Variants in FRMD5 observed in about 807,000 individuals in gnomAD.
FRMD5 encodes the protein FERM domain containing 5.
A neutral mutation model predicts 69.0 loss-of-function variants in FRMD5; 20 were observed. That is an observed-to-expected ratio of 0.29 (90% confidence interval 0.20 to 0.42). FRMD5 has a LOEUF of 0.42. Ranked by LOEUF, FRMD5 falls within the 10% of genes least tolerant of loss-of-function variation. The pLI is 1.00. For synonymous variants in FRMD5, 271 were observed against 260.1 expected, an observed-to-expected ratio of 1.04 and a Z score of -0.40; for missense variants, 595 against 708.6, an observed-to-expected ratio of 0.84 and a Z score of 1.82.
intron 1 of FRMD5, among the ~76,000 whole-genome samples, chr15:44,116,328 T>C (rs547567977): frequency 6.6e-6 from 1 of 151,966 alleles, no homozygotes; most frequent in African/African-American, 2.4e-5. Flanking sequence ...GATACAATCA[T>C]AGCTCACTTT....
chr15:44,109,178 G>C (rs2076762762), intron 1 of FRMD5, among the ~76,000 whole-genome samples: 1 of 151,740 alleles, frequency 6.6e-6, no homozygotes, highest in Non-Finnish European at 1.5e-5. Flanking sequence ...TTCTAAAATT[G>C]GTCTCATCAC....
intron 5 of FRMD5, among the ~76,000 whole-genome samples, chr15:43,906,700 C>G: frequency 6.6e-6 from 1 of 150,754 alleles, no homozygotes; most frequent in Non-Finnish European, 1.5e-5. Flanking sequence ...CTCCTGGGTT[C>G]ACGCCATTCT....
At chr15:44,079,660 C>G (rs1487881952) in intron 1 of FRMD5, among the ~76,000 whole-genome samples, 2 of 152,056 alleles carry the variant, frequency 1.3e-5, no homozygotes, top group Non-Finnish European at 2.9e-5. Flanking sequence ...ATTTGTACAC[C>G]CATGTTCATA....
chr15:44,016,316 C>G (rs1302168561), intron 1 of FRMD5, among the ~76,000 whole-genome samples: 2 of 152,130 alleles, frequency 1.3e-5, no homozygotes, highest in Non-Finnish European at 2.9e-5. Flanking sequence ...CCATCAGAGT[C>G]CTTATAAGGT....
At chr15:44,071,924 G>A (rs1291459903) in intron 1 of FRMD5, among the ~76,000 whole-genome samples, 1 of 152,140 alleles carries the variant, frequency 6.6e-6, no homozygotes, top group Non-Finnish European at 1.5e-5. Context: ...GGAGTGGAGT[G>A]GTGCAATCTC....
intron 1 of FRMD5, among the ~76,000 whole-genome samples, chr15:44,023,216 C>A (rs934281477): frequency 6.6e-6 from 1 of 152,114 alleles, no homozygotes; most frequent in African/African-American, 2.4e-5. Flanking sequence ...CTAGATGATA[C>A]CTGAAGACAC....
At chr15:44,024,335 G>C (rs113469498) in intron 1 of FRMD5, among the ~76,000 whole-genome samples, 6,642 of 152,144 alleles carry the variant, frequency 0.044, 223 homozygotes, top group Non-Finnish European at 0.067. Flanking sequence ...ATATTAAGAA[G>C]TGGAATTGCT....
chr15:44,130,852 T>A (rs1305385879), intron 1 of FRMD5, among the ~76,000 whole-genome samples: 1 of 152,156 alleles, frequency 6.6e-6, no homozygotes, highest in Non-Finnish European at 1.5e-5. Context: ...TAGTTGGTGT[T>A]TACATTAAAA....
intron 1 of FRMD5, among the ~76,000 whole-genome samples, chr15:44,029,320 A>AG (rs1891575914): frequency 3.5e-5 from 1 of 28,772 alleles, no homozygotes; most frequent in Non-Finnish European, 1.4e-4. Flanking sequence ...TTTTGCTTCA[A>AG]GGAAAAAAAA....
intron 1 of FRMD5, among the ~76,000 whole-genome samples, chr15:44,183,034 G>A (rs561455174): frequency 3.2e-4 from 49 of 151,416 alleles, no homozygotes; most frequent in African/African-American, 1.1e-3. Flanking sequence ...TCCTGACCTC[G>A]TGATCCGCCC....
At chr15:44,030,716 AAGG>A (rs138057668) in intron 1 of FRMD5, among the ~76,000 whole-genome samples, 14,897 of 152,140 alleles carry the variant, frequency 0.098, 950 homozygotes, top group Non-Finnish European at 0.15. Flanking sequence ...GGAGAAGGTG[AAGG>A]AGGAGGAAGA....
intron 1 of FRMD5, among the ~76,000 whole-genome samples, chr15:44,069,103 G>T (rs960870159): frequency 7.2e-5 from 11 of 152,124 alleles, no homozygotes; most frequent in Non-Finnish European, 1.6e-4. Flanking sequence ...TAGCATTAAG[G>T]AAAGGCAACT....
intron 1 of FRMD5, among the ~76,000 whole-genome samples, chr15:43,984,992 A>C (rs1240309825): frequency 3.3e-5 from 5 of 150,614 alleles, no homozygotes; most frequent in African/African-American, 1.2e-4. Flanking sequence ...GAAAAAAAAA[A>C]AAACAAGGCC....
intron 2 of FRMD5, among the ~76,000 whole-genome samples, chr15:43,923,466 G>C (rs150168279): frequency 2.0e-5 from 3 of 152,328 alleles, no homozygotes; most frequent in African/African-American, 7.2e-5. Context: ...GAGTTAGCTG[G>C]AAGAAGGGTG....
chr15:44,029,663 T>C (rs182060714), intron 1 of FRMD5, among the ~76,000 whole-genome samples: 1 of 152,338 alleles, frequency 6.6e-6, no homozygotes, highest in East Asian at 1.9e-4. Flanking sequence ...AGGATTGAGG[T>C]GCAGACATAT....
intron 1 of FRMD5, among the ~76,000 whole-genome samples, chr15:44,025,940 T>C (rs894442289): frequency 4.6e-5 from 7 of 152,164 alleles, no homozygotes; most frequent in African/African-American, 1.7e-4. Context: ...CTGGCAATTA[T>C]GGTCAGCCTA....
chr15:43,958,496 G>A (rs541797083), intron 1 of FRMD5, among the ~76,000 whole-genome samples: 4 of 152,260 alleles, frequency 2.6e-5, no homozygotes, highest in Admixed American at 1.3e-4. Flanking sequence ...TCACAATCAC[G>A]ATCGTGGCTC....
At chr15:44,078,608 C>A (rs896076496) in intron 1 of FRMD5, among the ~76,000 whole-genome samples, 2 of 151,972 alleles carry the variant, frequency 1.3e-5, no homozygotes, top group African/African-American at 4.8e-5. Context: ...TAAAATAGAG[C>A]CCAGAAATAA....
At chr15:44,101,958 T>A (rs1004035994) in intron 1 of FRMD5, among the ~76,000 whole-genome samples, 1 of 152,214 alleles carries the variant, frequency 6.6e-6, no homozygotes, top group Non-Finnish European at 1.5e-5. Flanking sequence ...CTTAAGGTAT[T>A]GCAGGGTTGA....
Sources: allele counts gnomAD v4.1 joint callset (sites outside exome capture counted in the v4.1 genomes callset), GRCh38; gene constraint gnomAD v4.1.1; transcripts MANE v1.5; gene names NCBI Gene and HGNC (gene_info 2026-07-23, HGNC 2026-07-21).